Variants in KCNH2 observed in about 807,000 individuals in gnomAD.
The protein encoded by KCNH2 is potassium voltage-gated channel subfamily H member 2, also known as voltage-gated inwardly rectifying potassium channel KCNH2.
Under a neutral mutation model 95.9 loss-of-function variants are expected in KCNH2, and 35 were observed. The ratio of observed to expected loss-of-function variants is 0.37; its 90% confidence interval spans 0.28 to 0.48. The LOEUF is 0.48. Among genes scored for constraint, KCNH2 ranks in the 20% least tolerant of loss-of-function variants. KCNH2 has a pLI of 0.99. For synonymous variants in KCNH2, 786 were observed against 754.7 expected (o/e 1.04, Z -0.68); for missense variants, 1,274 against 1,702.9 (o/e 0.75, Z 4.43).
intron 9 of KCNH2, chr7:150,949,816 T>A: frequency 2.4e-6 from 3 of 1,238,836 alleles, no homozygotes; most frequent in Non-Finnish European, 3.1e-6. Context: ...GGGAACCACA[T>A]GGCCCTTAGT....
intron 2 of KCNH2, among the ~76,000 whole-genome samples, chr7:150,969,546 G>A (rs182144306): frequency 3.2e-4 from 49 of 152,334 alleles, no homozygotes; most frequent in Non-Finnish European, 5.7e-4. Context: ...GACACAGCAA[G>A]TCTGTAACCA....
In KCNH2 at chr7:150,947,372, G is replaced by GCCC. The variant is rs794728469; in HGVS notation, c.3105_3107dup (p.Gly1036dup). On this transcript the variant is annotated inframe_insertion, in exon 13 of 15. Transcript: ENST00000262186. ...GGGCATCCAGCCTGCTCTCCACGTC[G>GCCC]CCCCGGGGCCGCCGACCCGGGCTGG... 4.5e-6 allele frequency: 7 copies of GCCC among 1,547,114 alleles called. No individual in the cohort carries two copies. In the African/African-American group the frequency reaches 8.2e-5, roughly 18 times the overall value.
chr7:150,947,367 A>ACGTCGCCCCGGGGC lies in KCNH2; in HGVS notation c.3099_3112dup (p.Val1038GlyfsTer24). 1 of 1,546,126 alleles carries ACGTCGCCCCGGGGC rather than the reference A, an allele frequency of 6.5e-7. No homozygotes were observed. The highest frequency in any genetic ancestry group is 8.7e-7 in the Non-Finnish European group (1 of 1,146,806). ...CTGGAGGGCATCCAGCCTGCTCTCC[A>ACGTCGCCCCGGGGC]CGTCGCCCCGGGGCCGCCGACCCGG... is the stretch of plus-strand genomic sequence containing the variant. On this transcript the variant is annotated frameshift_variant, in exon 13 of 15. Transcript: ENST00000262186. LOFTEE classifies it high-confidence loss of function.
At chr7:150,951,907 C>T (rs887330627) in intron 6 of KCNH2, 72 bp from the exon 7 acceptor site, 1 of 1,410,554 alleles carries the variant, frequency 7.1e-7, no homozygotes, top group Non-Finnish European at 9.6e-7. Context: ...GGTGCTGCGG[C>T]CCTCAGAGCG....
At chr7:150,972,588 T>G (rs1426087322) in intron 2 of KCNH2, among the ~76,000 whole-genome samples, 1 of 152,048 alleles carries the variant, frequency 6.6e-6, no homozygotes, top group African/African-American at 2.4e-5. Context: ...GGAAACTAGG[T>G]GAGAGTGAAG....
chr7:150,947,587 C>G lies in KCNH2; in HGVS notation c.2965+19G>C. 8 of 1,610,992 alleles carry G rather than the reference C, an allele frequency of 5.0e-6. No individual in the cohort carries two copies. The highest frequency in any genetic ancestry group is 6.8e-6 in the Non-Finnish European group (8 of 1,178,792). On this transcript the variant is annotated intron_variant, in intron 12 of 14. Coordinates refer to ENST00000262186, the MANE Select transcript of KCNH2 (RefSeq NM_000238.4). ...CTGCCACGCCCGGTCCTCCCTCGCCCGCCCGTCGCCCGGGATACCTGACAG... is the reference window on the plus strand; with the variant it reads ...CTGCCACGCCCGGTCCTCCCTCGCCGGCCCGTCGCCCGGGATACCTGACAG...
Position 150,946,851 on chromosome 7 carries a change from A to AGGGCTGGAGCTTACC in KCNH2, c.3330+25_3330+26insGGTAAGCTCCAGCCC. Reference sequence around the variant, plus strand: ...TCGGGGAACAAGCGGGTCACGGTACATCGAGGAAGCAGGGCTGGAGCTTAC... The same window carrying AGGGCTGGAGCTTACC: ...TCGGGGAACAAGCGGGTCACGGTACAGGGCTGGAGCTTACCTCGAGGAAGCAGGGCTGGAGCTTAC... On this transcript the variant is annotated intron_variant, in intron 14 of 14. Coordinates refer to ENST00000262186, the MANE Select transcript of KCNH2 (RefSeq NM_000238.4). This position sits in a 1 kb window ranked among gnomAD's most constrained non-coding sequence, Gnocchi z 6.5. The AGGGCTGGAGCTTACC allele has an allele frequency of 6.3e-7, 1 of 1,590,404 alleles. No homozygotes were observed. Among genetic ancestry groups the AGGGCTGGAGCTTACC allele is most frequent in the East Asian group, 2.3e-5 (1 of 44,304 alleles).
chr7:150,950,043 A>C lies in KCNH2; in HGVS notation c.2398+125T>G. On this transcript the variant is annotated intron_variant, in intron 9 of 14. Transcript: ENST00000262186. ...GAGGGCCTGAGTTTAGGTGAATTAAAGGAGCCCAGTGACCCTGCAGGCAGT... is the reference window on the plus strand; with the variant it reads ...GAGGGCCTGAGTTTAGGTGAATTAACGGAGCCCAGTGACCCTGCAGGCAGT... 1.9e-6 allele frequency: 3 copies of C among 1,606,354 alleles called. No homozygotes were observed. In the South Asian group the frequency reaches 3.4e-5, roughly 18 times the overall value.
chr7:150,957,260 TGA>T (rs1304992702), intron 5 of KCNH2, 29 bp downstream of exon 5: 2 of 1,518,678 alleles, frequency 1.3e-6, no homozygotes, highest in Admixed American at 2.0e-5. Context: ...TCCTCCAAGG[TGA>T]GAGGAGAGCC....
chr7:150,970,753 CAGA>C (rs1197391075), intron 2 of KCNH2, among the ~76,000 whole-genome samples: 3 of 152,208 alleles, frequency 2.0e-5, no homozygotes, highest in South Asian at 4.1e-4. Flanking sequence ...AGGCCTTGAC[CAGA>C]AGGATAGGAA....
rs199472867 is a variant in KCNH2, at chr7:150,958,416, C to T, written c.559G>A (p.Gly187Ser). ...ESSVRSGGAG[G>S]AGAPGAVVVD... ...ACCACGGCCCCCGGGGCGCCCGCGC[C>T]GCCCGCGCCGCCCGACCGCACCGAC... The change falls in exon 4 of 15, where the codon GGC (glycine) becomes AGC (serine). Residue 187 changes from glycine (G) to serine (S), a missense_variant. Gly to Ser is a moderately conservative substitution (Grantham distance 56). Coordinates refer to ENST00000262186, the MANE Select transcript of KCNH2 (RefSeq NM_000238.4). 1.4e-6 allele frequency: 2 copies of T among 1,437,444 alleles called. No homozygotes were observed. Among genetic ancestry groups the T allele is most frequent in the South Asian group, 1.4e-5 (1 of 71,118 alleles). The allele number at this position is 1,437,444 out of a possible 1,614,324, so 89.0% of individuals were successfully genotyped here.
rs1314500326 is a variant in KCNH2, at chr7:150,969,461, G to A, written c.307+5250C>T. ...ACCCCATCCTCCTCGGTCCACCTCT[G>A]AGGGTGAAGCTGGGAGCCCCCAGAT... On this transcript the variant is annotated intron_variant, in intron 2 of 14. Transcript: ENST00000262186. 1.6e-3 allele frequency among the ~76,000 whole-genome samples: 72 copies of A among 45,518 alleles called. No individual in the cohort carries two copies. In the African/African-American group the frequency reaches 0.017, roughly 11 times the overall value. 29.9% of individuals were successfully genotyped at this position (45,518 alleles called of 152,430 possible).
chr7:150,952,949 AGGAGGCC>A lies in KCNH2; in HGVS notation c.1129-103_1129-97del. 5.7e-6 allele frequency: 7 copies of A among 1,232,578 alleles called. No homozygotes were observed. The Admixed American group carries it at 8.1e-5, about 14-fold the overall frequency. 76.4% of individuals were successfully genotyped at this position (1,232,578 alleles called of 1,614,324 possible). On this transcript the variant is annotated intron_variant, in intron 5 of 14. Coordinates refer to ENST00000262186, the MANE Select transcript of KCNH2 (RefSeq NM_000238.4). This position sits in a 1 kb window ranked among gnomAD's most constrained non-coding sequence, Gnocchi z 7.3. ...TCTGCCGGGGCCAAGCAGAATGAGG[AGGAGGCC>A]AAAAAAAGCTTCCATCAGAATGCCC...
chr7:150,963,467 T>G (rs184929730), intron 2 of KCNH2, among the ~76,000 whole-genome samples: 91 of 152,136 alleles, frequency 6.0e-4, no homozygotes, highest in Non-Finnish European at 1.1e-3. Context: ...ACCATAAGCT[T>G]GAGACAGAAG....
At position 150,968,165 on chromosome 7, in the gene KCNH2, G is replaced by A. The variant is rs139754754; in HGVS notation, c.307+6546C>T. On this transcript the variant is annotated intron_variant, in intron 2 of 14. Transcript: ENST00000262186. The stretch of plus-strand genomic sequence containing the variant: ...CAAGATATGCGGGTATGGGAATCTC[G>A]AGCTCTGAGAAGGAGGGTGATGACA... 2.4e-3 allele frequency among the ~76,000 whole-genome samples: 361 copies of A among 152,324 alleles called. 1 individual carries two copies. The highest frequency in any genetic ancestry group is 7.8e-3 in the African/African-American group (326 of 41,572).
rs1801503476 is a variant in KCNH2, at chr7:150,959,756, A to G, written c.308-20T>C. Reference sequence around the variant, plus strand: ...AGCTCCCTGCAGAGTGGGAGGACATAGCCCCCTTGGCACCCACTCAGTGGG... The same window carrying G: ...AGCTCCCTGCAGAGTGGGAGGACATGGCCCCCTTGGCACCCACTCAGTGGG... On this transcript the variant is annotated intron_variant, in intron 2 of 14. Coordinates refer to ENST00000262186, the MANE Select transcript of KCNH2 (RefSeq NM_000238.4). 3 of 1,614,074 alleles carry G rather than the reference A, an allele frequency of 1.9e-6. No individual in the cohort carries two copies. The highest frequency in any genetic ancestry group is 2.5e-6 in the Non-Finnish European group (3 of 1,180,018).
intron 2 of KCNH2, among the ~76,000 whole-genome samples, chr7:150,970,505 G>A (rs1434231915): frequency 2.0e-5 from 3 of 152,232 alleles, no homozygotes. Context: ...CACCCCTGGA[G>A]CAGGACTGGG....
chr7:150,978,025 G>T lies in KCNH2; in HGVS notation c.-112C>A. 2.4e-6 allele frequency: 1 copy of T among 409,800 alleles called. No homozygotes were observed. Among genetic ancestry groups the T allele is most frequent in the Non-Finnish European group, 3.9e-6 (1 of 259,260 alleles). The allele number at this position is 409,800 out of a possible 1,614,324, so 25.4% of individuals were successfully genotyped here. On this transcript the variant is annotated 5_prime_UTR_variant, in exon 1 of 15. Coordinates refer to ENST00000262186, the MANE Select transcript of KCNH2 (RefSeq NM_000238.4). ...CGTGGTCCCCGCACCCCGCGGCCAA[G>T]CCGAGCACGGGCGCGGCCAAGACTG...
intron 11 of KCNH2, 38 bp from the exon 12 acceptor site, chr7:150,947,916 A>C (rs1800978067): frequency 6.6e-7 from 1 of 1,523,136 alleles, no homozygotes; most frequent in Non-Finnish European, 8.8e-7. Context: ...AGAGGGGAGG[A>C]GAACAGAGAG....
Sources: gnomAD v4.1 joint callset for allele counts (sites outside exome capture counted in the v4.1 genomes callset) on GRCh38, gnomAD v4.1.1 for gene constraint, Gnocchi (gnomAD v3.1) non-coding constraint, MANE v1.5 for transcripts, NCBI Gene and HGNC (gene_info 2026-07-23, HGNC 2026-07-21) for gene names.